The following AP2A2 variants were observed in gnomAD, a reference collection of about 807,000 sequenced individuals.
AP2A2 encodes adaptor related protein complex 2 subunit alpha 2, also known as AP-2 complex subunit alpha-2.
A neutral mutation model predicts 104.2 loss-of-function variants in AP2A2; 32 were observed. The ratio of observed to expected loss-of-function variants is 0.31; its 90% CI spans 0.23 to 0.41. The LOEUF (loss-of-function observed/expected upper bound fraction) is 0.41, where lower values mean the gene tolerates loss of function less well. Among genes scored for constraint, AP2A2 ranks in the 10% least tolerant of loss-of-function variants. The pLI, the probability that AP2A2 is intolerant of heterozygous loss-of-function variation, is 1.00. For synonymous variants in AP2A2, 539 were observed against 533.3 expected (o/e 1.01, Z -0.15); for missense variants, 912 against 1,261.0 (o/e 0.72, Z 4.19).
chr11:1,004,910 G>A (rs543285646), intron 16 of AP2A2, among the ~76,000 whole-genome samples: 13 of 152,290 alleles, frequency 8.5e-5, no homozygotes, highest in African/African-American at 3.1e-4. Context: ...ACAGTAGTGC[G>A]GGCACTGTGG....
intron 4 of AP2A2, among the ~76,000 whole-genome samples, chr11:976,449 C>T (rs1313719611): frequency 3.9e-5 from 6 of 152,144 alleles, no homozygotes; most frequent in African/African-American, 1.4e-4. Context: ...TGTGCCTCCA[C>T]AGCGTCCACC....
At chr11:971,860 C>T (rs1267989835) in intron 3 of AP2A2, among the ~76,000 whole-genome samples, 1 of 152,158 alleles carries the variant, frequency 6.6e-6, no homozygotes, top group Non-Finnish European at 1.5e-5. Flanking sequence ...ATGAGAGCAT[C>T]GTAGCAGAGG....
chr11:994,596 C>T (rs1377044410), intron 14 of AP2A2, among the ~76,000 whole-genome samples: 17 of 141,644 alleles, frequency 1.2e-4, no homozygotes, highest in Non-Finnish European at 1.5e-4. Context: ...TGTCCTGTCC[C>T]GGGGGCCACT....
intron 20 of AP2A2, 101 bp from the exon 21 acceptor site, chr11:1,009,582 G>A (rs1053512359): frequency 2.1e-5 from 23 of 1,085,646 alleles, no homozygotes; most frequent in African/African-American, 1.2e-4. Flanking sequence ...CGGGGGACAC[G>A]CAGCCCACGA....
chr11:937,142 C>T (rs1210233793), intron 1 of AP2A2, among the ~76,000 whole-genome samples: 1 of 152,022 alleles, frequency 6.6e-6, no homozygotes, highest in Non-Finnish European at 1.5e-5. Context: ...GCCTCAGCCT[C>T]TGAAGTAGCT....
intron 16 of AP2A2, among the ~76,000 whole-genome samples, chr11:1,005,147 T>C (rs1273607346): frequency 6.6e-6 from 1 of 152,244 alleles, no homozygotes; most frequent in Non-Finnish European, 1.5e-5. Flanking sequence ...TGGAATATTA[T>C]TCAGCCATCA....
intron 1 of AP2A2, among the ~76,000 whole-genome samples, chr11:938,199 G>A (rs985891404): frequency 3.3e-5 from 5 of 152,170 alleles, no homozygotes; most frequent in African/African-American, 1.2e-4. Flanking sequence ...GGTGCCGCAC[G>A]AAGGCCAGCC....
intron 2 of AP2A2, among the ~76,000 whole-genome samples, chr11:964,246 G>A (rs1314985013): frequency 5.9e-5 from 9 of 152,168 alleles, no homozygotes; most frequent in Admixed American, 5.2e-4. Context: ...GGAAAGAATC[G>A]ATATCCAACA....
intron 6 of AP2A2, among the ~76,000 whole-genome samples, chr11:983,406 G>T (rs1218080001): frequency 1.3e-5 from 2 of 150,230 alleles, no homozygotes; most frequent in East Asian, 3.9e-4. Context: ...ATTTTGAGAT[G>T]GAGTCTCACT....
At chr11:1,002,070 A>G (rs183371388) in intron 15 of AP2A2, among the ~76,000 whole-genome samples, 129 of 152,240 alleles carry the variant, frequency 8.5e-4, no homozygotes, top group Middle Eastern at 3.4e-3. Context: ...ATTTTCCCCA[A>G]AGATTCCTCC....
intron 2 of AP2A2, among the ~76,000 whole-genome samples, chr11:969,962 T>TA (rs1403099025): frequency 1.3e-5 from 2 of 152,176 alleles, no homozygotes; most frequent in East Asian, 1.9e-4. Flanking sequence ...AAAAGGGAAA[T>TA]AAAAAACTTG....
chr11:963,456 C>T (rs1038767881), intron 2 of AP2A2, among the ~76,000 whole-genome samples: 1 of 151,820 alleles, frequency 6.6e-6, no homozygotes, highest in Non-Finnish European at 1.5e-5. Context: ...AAACAAGGTA[C>T]CGAGTTATTT....
At chr11:1,001,165 G>C (rs1246269799) in intron 15 of AP2A2, among the ~76,000 whole-genome samples, 1 of 152,128 alleles carries the variant, frequency 6.6e-6, no homozygotes, top group African/African-American at 2.4e-5. Flanking sequence ...TTTCTGTCCG[G>C]TGCCTGGGCA....
At chr11:998,106 C>T (rs1404110907) in intron 14 of AP2A2, among the ~76,000 whole-genome samples, 1 of 152,226 alleles carries the variant, frequency 6.6e-6, no homozygotes, top group African/African-American at 2.4e-5. Context: ...CGGGCGCTGT[C>T]CCCGGCGTAG....
intron 1 of AP2A2, among the ~76,000 whole-genome samples, chr11:928,502 CT>C (rs1397130451): frequency 3.3e-5 from 5 of 152,204 alleles, no homozygotes; most frequent in Non-Finnish European, 5.9e-5. Flanking sequence ...ATAGACCAGA[CT>C]TTCTCCAACT....
At chr11:928,265 A>G (rs1565221828) in intron 1 of AP2A2, among the ~76,000 whole-genome samples, 1 of 152,212 alleles carries the variant, frequency 6.6e-6, no homozygotes, top group Non-Finnish European at 1.5e-5. Flanking sequence ...CCACATTCAT[A>G]TAACTTTTAT....
chr11:999,057 G>C (rs766748051), intron 14 of AP2A2, among the ~76,000 whole-genome samples: 1 of 152,192 alleles, frequency 6.6e-6, no homozygotes, highest in African/African-American at 2.4e-5. Flanking sequence ...GGCAGGACCC[G>C]TGGAGCCCAG....
intron 9 of AP2A2, among the ~76,000 whole-genome samples, chr11:988,320 C>G (rs979575298): frequency 2.6e-5 from 4 of 152,260 alleles, no homozygotes; most frequent in Non-Finnish European, 5.9e-5. Flanking sequence ...AGGCAGTGCG[C>G]TGGGTCCTAG....
chr11:934,988 A>G (rs945720837), intron 1 of AP2A2, among the ~76,000 whole-genome samples: 3 of 151,364 alleles, frequency 2.0e-5, no homozygotes, highest in African/African-American at 7.3e-5. Flanking sequence ...CCTCCGGAGT[A>G]GCTGGGATTA....
Sources: gnomAD v4.1 joint callset for allele counts (sites outside exome capture counted in the v4.1 genomes callset) on GRCh38, gnomAD v4.1.1 for gene constraint, MANE v1.5 for transcripts, NCBI Gene and HGNC (gene_info 2026-07-23, HGNC 2026-07-21) for gene names.